WWC1: variants seen among roughly 807,000 people sequenced by gnomAD.
The protein encoded by WWC1 is protein KIBRA.
A neutral mutation model predicts 138.4 loss-of-function variants in WWC1; 55 were observed. That is an observed-to-expected ratio of 0.40 (90% CI 0.32 to 0.50). The LOEUF (loss-of-function observed/expected upper bound fraction) is 0.50. Ranked by LOEUF, WWC1 falls within the 20% of genes least tolerant of loss-of-function variation. WWC1 has a pLI of 0.72. For missense variants in WWC1, 1,226 were observed against 1,420.4 expected (o/e 0.86, Z 2.20); for synonymous variants, 524 against 564.9 (o/e 0.93, Z 1.03).
Position 168,469,270 on chromosome 5 carries a change from G to A in WWC1, c.*253G>A, listed in dbSNP as rs1490227526. 2.0e-6 allele frequency: 1 copy of A among 498,396 alleles called. No homozygotes were observed. Among genetic ancestry groups the A allele is most frequent in the African/African-American group, 1.9e-5 (1 of 52,176 alleles). The allele number at this position is 498,396 out of a possible 1,614,324, so 30.9% of individuals were successfully genotyped here. ...TTAAAATAATAAGATTGTATAGTTT[G>A]TATATTTAGGAGTGTATTTTTGGGA... On this transcript the variant is annotated 3_prime_UTR_variant, in exon 23 of 23. Transcript: ENST00000265293.
In WWC1 at chr5:168,426,791, G is replaced by T. The variant is rs955876080; in HGVS notation, c.1811-1242G>T. Among the ~76,000 whole-genome samples, 6 of 152,344 alleles carry T rather than the reference G, an allele frequency of 3.9e-5. No homozygotes were observed. In the East Asian group the frequency reaches 1.2e-3, roughly 29 times the overall value. On this transcript the variant is annotated intron_variant, in intron 11 of 22. Coordinates refer to ENST00000265293, the MANE Select transcript of WWC1 (RefSeq NM_015238.3). ...GTGCCCCTCAATGCTGCGAGCCCTTGCCCTGCTCCGGTCTGCCCGCAGGTG... is the reference window on the plus strand; with the variant it reads ...GTGCCCCTCAATGCTGCGAGCCCTTTCCCTGCTCCGGTCTGCCCGCAGGTG...
chr5:168,416,444 T>A (rs55919710), intron 9 of WWC1: 2 of 152,200 alleles, frequency 1.3e-5, no homozygotes, highest in Admixed American at 6.5e-5. Flanking sequence ...GGATAAGGCC[T>A]GTGTCTATAT....
At chr5:168,340,053 C>CTTTCTTTCT (rs1554094024) in intron 1 of WWC1, among the ~76,000 whole-genome samples, 23 of 139,348 alleles carry the variant, frequency 1.7e-4, no homozygotes, top group East Asian at 8.4e-4. Context: ...TTCTTTCTTT[C>CTTTCTTTCT]TTTCTTTTCT....
chr5:168,407,714 G>A (rs376189664), intron 6 of WWC1, among the ~76,000 whole-genome samples: 3 of 152,228 alleles, frequency 2.0e-5, no homozygotes, highest in African/African-American at 7.2e-5. Context: ...GATAATCATA[G>A]GTCATTCTTT....
chr5:168,415,397 C>A (rs1169394834), intron 9 of WWC1: 1 of 151,374 alleles, frequency 6.6e-6, no homozygotes, highest in Non-Finnish European at 1.5e-5. Context: ...CCTGATATAA[C>A]CTAAAAGCCA....
intron 3 of WWC1, among the ~76,000 whole-genome samples, chr5:168,391,388 C>T (rs1279405254): frequency 6.6e-6 from 1 of 152,028 alleles, no homozygotes; most frequent in Non-Finnish European, 1.5e-5. Context: ...GGACCAGGCG[C>T]GGTGGCTCAC....
chr5:168,467,267 A>C (rs1216675178), intron 21 of WWC1, among the ~76,000 whole-genome samples: 31 of 152,200 alleles, frequency 2.0e-4, no homozygotes, highest in Admixed American at 2.0e-3. Context: ...CAAAACAAAC[A>C]AACAAAAAAA....
Position 168,423,791 on chromosome 5 carries a change from G to A in WWC1, c.1533G>A (p.Lys511=), listed in dbSNP as rs780824644. ...AGGATGAGGTGGCCAAGACCCAGAA[G>A]GCAGAGGGAGGTGGCCGCCTGCAGG... The part of the protein sequence containing the change: ...IHEDEVAKTQ[K]AEGGGRLQAL... The change falls in exon 11 of 23, where the codon AAG becomes AAA. Residue 511 remains lysine (K), a synonymous_variant. Transcript: ENST00000265293. The A allele has an allele frequency of 1.9e-6, 3 of 1,614,172 alleles. No homozygotes were observed. Among genetic ancestry groups the A allele is most frequent in the East Asian group, 4.5e-5 (2 of 44,878 alleles).
chr5:168,443,300 C>G (rs1754961392), intron 16 of WWC1, among the ~76,000 whole-genome samples: 1 of 152,144 alleles, frequency 6.6e-6, no homozygotes, highest in Non-Finnish European at 1.5e-5. Context: ...TCCTCCTCTC[C>G]TTTCCCTCCC....
At chr5:168,441,588 T>G in intron 15 of WWC1, 94 bp from the exon 16 acceptor site, 1 of 1,356,984 alleles carries the variant, frequency 7.4e-7, no homozygotes, top group East Asian at 2.4e-5. Flanking sequence ...TCTGGAGTGG[T>G]GTTTTTTCCA....
At chr5:168,367,281 C>T (rs1173315748) in intron 1 of WWC1, among the ~76,000 whole-genome samples, 1 of 152,180 alleles carries the variant, frequency 6.6e-6, no homozygotes, top group Non-Finnish European at 1.5e-5. Context: ...ACAGCTTGCT[C>T]TGTGTTCCAG....
At chr5:168,431,494 CTGGCTGG>C in intron 15 of WWC1, 50 bp downstream of exon 15, 1 of 1,562,476 alleles carries the variant, frequency 6.4e-7, no homozygotes, top group Non-Finnish European at 8.6e-7. Flanking sequence ...GGCTGGCTGG[CTGGCTGG>C]CTGACCGGCC....
chr5:168,325,537 G>A (rs1413080892), intron 1 of WWC1, among the ~76,000 whole-genome samples: 3 of 152,202 alleles, frequency 2.0e-5, no homozygotes, highest in East Asian at 3.8e-4. Flanking sequence ...CCTGGAAGAG[G>A]AGGAGAAGCT....
At chr5:168,428,274 C>T (rs753736227) in intron 12 of WWC1, 133 bp downstream of exon 12, 12 of 820,172 alleles carry the variant, frequency 1.5e-5, no homozygotes, top group Non-Finnish European at 2.3e-5. Context: ...AGGGCATGAC[C>T]CCACCTTCCT....
At chr5:168,375,404 A>G (rs930420302) in intron 2 of WWC1, among the ~76,000 whole-genome samples, 1 of 152,174 alleles carries the variant, frequency 6.6e-6, no homozygotes, top group Non-Finnish European at 1.5e-5. Flanking sequence ...AAATACAAAG[A>G]GGACCAAGGA....
intron 15 of WWC1, among the ~76,000 whole-genome samples, chr5:168,434,273 T>C (rs1303075335): frequency 3.3e-5 from 5 of 152,188 alleles, no homozygotes; most frequent in Non-Finnish European, 7.4e-5. Flanking sequence ...CTGCGGCCAA[T>C]GGGAAACCTC....
intron 1 of WWC1, among the ~76,000 whole-genome samples, chr5:168,318,444 C>T (rs1367656918): frequency 6.6e-6 from 1 of 152,138 alleles, no homozygotes; most frequent in East Asian, 1.9e-4. Flanking sequence ...GAACGCTCTT[C>T]ATCTTGCAAA....
chr5:168,414,528 G>C lies in WWC1; in HGVS notation c.1122G>C (p.Arg374=). Residue 374 remains arginine, a synonymous_variant, in exon 9 of 23, where the codon CGG becomes CGC. Transcript: ENST00000265293. The part of the protein sequence containing the change: ...QGEVEQLEMA[R]KRLEKDLQAA... ...AGGTGGAGCAGCTGGAGATGGCCCG[G>C]AAGCGGCTGGAAAAGGACCTGCAGG... 5.1e-6 allele frequency: 8 copies of C among 1,555,402 alleles called. No individual in the cohort carries two copies. Among genetic ancestry groups the C allele is most frequent in the Non-Finnish European group, 7.0e-6 (8 of 1,149,192 alleles).
chr5:168,447,629 G>T (rs1181590034), intron 17 of WWC1, among the ~76,000 whole-genome samples: 1 of 151,994 alleles, frequency 6.6e-6, no homozygotes, highest in Non-Finnish European at 1.5e-5. Context: ...GGGCCCACTG[G>T]CTGTAGTTTG....
Sources: allele counts gnomAD v4.1 joint callset (sites outside exome capture counted in the v4.1 genomes callset), GRCh38; gene constraint gnomAD v4.1.1; transcripts MANE v1.5; gene names NCBI Gene and HGNC (gene_info 2026-07-23, HGNC 2026-07-21).